The following LMNB1 variants were observed in gnomAD, a reference collection of about 807,000 sequenced individuals.
The protein encoded by LMNB1 is lamin B1.
In LMNB1, 23 loss-of-function variants were observed where a neutral mutation model predicts 67.1. That is an observed-to-expected ratio of 0.34 (90% CI 0.25 to 0.49). The LOEUF (loss-of-function observed/expected upper bound fraction) is 0.49. Ranked by LOEUF, LMNB1 falls within the 20% of genes least tolerant of loss-of-function variation. The probability of loss-of-function intolerance (pLI) is 0.99; values close to 1 mark genes in which losing one functional copy is unlikely to be tolerated. For synonymous variants in LMNB1, 281 were observed against 282.9 expected (o/e 0.99, Z 0.07); for missense variants, 634 against 746.5 (o/e 0.85, Z 1.76).
chr5:126,798,652 A>T (rs144027039), intron 1 of LMNB1, among the ~76,000 whole-genome samples: 1 of 152,158 alleles, frequency 6.6e-6, no homozygotes, highest in Non-Finnish European at 1.5e-5. Flanking sequence ...TGGAAGAGAC[A>T]TGATATTTTA....
chr5:126,822,677 A>G, intron 7 of LMNB1, 104 bp from the exon 8 acceptor site: 1 of 622,098 alleles, frequency 1.6e-6, no homozygotes, highest in South Asian at 2.2e-5. Context: ...AGATGACCAT[A>G]AAGCGGTCTT....
intron 1 of LMNB1, among the ~76,000 whole-genome samples, chr5:126,787,068 C>A (rs528674355): frequency 1.3e-5 from 2 of 152,160 alleles, no homozygotes; most frequent in African/African-American, 4.8e-5. Flanking sequence ...AGGTCTTGAA[C>A]CAGATGCTGG....
rs77877457 is a variant in LMNB1 at position 126,777,802 on chromosome 5, C to G, written c.294C>G (p.Arg98=). 3.4e-5 allele frequency: 50 copies of G among 1,492,406 alleles called. No individual in the cohort carries two copies. In the East Asian group the frequency reaches 8.7e-4, roughly 26 times the overall value. The allele number at this position is 1,492,406 out of a possible 1,614,324, so 92.4% of individuals were successfully genotyped here. ...DARRALDDTA[R]ERAKLQIELG... ...GACGCGCGCTCGACGACACGGCCCGCGAGCGCGCCAAGCTGCAGATCGAGC... is the reference window on the plus strand; with the variant it reads ...GACGCGCGCTCGACGACACGGCCCGGGAGCGCGCCAAGCTGCAGATCGAGC... Residue 98 remains arginine, a synonymous_variant, in exon 1 of 11, where the codon CGC becomes CGG. Transcript: ENST00000261366.
At position 126,811,760 on chromosome 5, in the gene LMNB1, C is replaced by T; in HGVS notation, c.814-13C>T. On this transcript the variant is annotated splice_polypyrimidine_tract_variant and intron_variant, in intron 4 of 10. Transcript: ENST00000261366. ...TCTAGATAAGACTGACTATGCTTTGCTTCTTCTTTTAGCTTGAGAATGCCA... is the reference window on the plus strand; with the variant it reads ...TCTAGATAAGACTGACTATGCTTTGTTTCTTCTTTTAGCTTGAGAATGCCA... 3 of 1,597,294 alleles carry T rather than the reference C, an allele frequency of 1.9e-6. No individual in the cohort carries two copies. Among genetic ancestry groups the T allele is most frequent in the South Asian group, 2.2e-5 (2 of 90,154 alleles).
At chr5:126,806,228 C>G (rs1751417801) in intron 3 of LMNB1, among the ~76,000 whole-genome samples, 2 of 152,236 alleles carry the variant, frequency 1.3e-5, no homozygotes, top group Non-Finnish European at 2.9e-5. Flanking sequence ...GCTGGGATTA[C>G]AGGTGTGAGC....
At chr5:126,784,042 G>A (rs1362539429) in intron 1 of LMNB1, among the ~76,000 whole-genome samples, 1 of 19,738 alleles carries the variant, frequency 5.1e-5, no homozygotes, top group South Asian at 1.3e-3. Flanking sequence ...TTTTTTTTTT[G>A]AGACAGAGTT....
At position 126,811,911 on chromosome 5, in the gene LMNB1, C is replaced by T. The variant is rs1436447157; in HGVS notation, c.939+13C>T. The T allele has an allele frequency of 6.2e-7, 1 of 1,603,272 alleles. No individual in the cohort carries two copies. The highest frequency in any genetic ancestry group is 1.7e-5 in the Admixed American group (1 of 59,822). ...TCTACAGAAAGAGGTAAATAATCATCTTTCTGTAAGAAGTTAGACTTGAAG... is the reference window on the plus strand; with the variant it reads ...TCTACAGAAAGAGGTAAATAATCATTTTTCTGTAAGAAGTTAGACTTGAAG... On this transcript the variant is annotated intron_variant, in intron 5 of 10. Coordinates refer to ENST00000261366, the MANE Select transcript of LMNB1 (RefSeq NM_005573.4).
chr5:126,800,961 AT>A (rs1469363271), intron 1 of LMNB1, among the ~76,000 whole-genome samples: 18 of 69,636 alleles, frequency 2.6e-4, no homozygotes, highest in African/African-American at 7.5e-4. Context: ...CTATATATAT[AT>A]ATATATATAT....
chr5:126,829,529 A>C (rs1346694254), intron 9 of LMNB1, among the ~76,000 whole-genome samples: 1 of 152,024 alleles, frequency 6.6e-6, no homozygotes, highest in East Asian at 1.9e-4. Flanking sequence ...ACCTGTATTC[A>C]TACCACTTTC....
Position 126,836,616 on chromosome 5 carries a change from T to C in LMNB1, c.*352T>C, listed in dbSNP as rs1356228265. 1 of 357,970 alleles carries C rather than the reference T, an allele frequency of 2.8e-6. No homozygotes were observed. Among genetic ancestry groups the C allele is most frequent in the East Asian group, 4.1e-5 (1 of 24,186 alleles). The allele number at this position is 357,970 out of a possible 1,614,324, so 22.2% of individuals were successfully genotyped here. A position where few individuals can be genotyped will look rare whatever the true frequency, so the allele number is the denominator to read the frequency against. On this transcript the variant is annotated 3_prime_UTR_variant, in exon 11 of 11. Coordinates refer to ENST00000261366, the MANE Select transcript of LMNB1 (RefSeq NM_005573.4). ...AACCACTGTGCGTCTTGGTGTAATTTGAAGATTGCCCCATCTAGACTAGCA... is the reference window on the plus strand; with the variant it reads ...AACCACTGTGCGTCTTGGTGTAATTCGAAGATTGCCCCATCTAGACTAGCA...
At chr5:126,782,113 T>G (rs1198245122) in intron 1 of LMNB1, among the ~76,000 whole-genome samples, 1 of 152,210 alleles carries the variant, frequency 6.6e-6, no homozygotes, top group Non-Finnish European at 1.5e-5. Flanking sequence ...GAAATTGACT[T>G]GTTTCAGATT....
intron 1 of LMNB1, among the ~76,000 whole-genome samples, chr5:126,799,813 A>T (rs1417228667): frequency 6.6e-6 from 1 of 152,188 alleles, no homozygotes; most frequent in East Asian, 1.9e-4. Flanking sequence ...GCCACTGTAC[A>T]TTTGTGTGGG....
chr5:126,818,706 G>A (rs985777340), intron 5 of LMNB1, among the ~76,000 whole-genome samples: 2 of 152,162 alleles, frequency 1.3e-5, no homozygotes, highest in African/African-American at 4.8e-5. Context: ...TGTGGAATAT[G>A]TCTTTTATTC....
chr5:126,817,044 C>T (rs1410621949), intron 5 of LMNB1, among the ~76,000 whole-genome samples: 1 of 147,498 alleles, frequency 6.8e-6, no homozygotes, highest in Non-Finnish European at 1.5e-5. Flanking sequence ...AAATGGCATT[C>T]TTCTGTAACG....
At chr5:126,802,882 A>T (rs189129887) in intron 1 of LMNB1, among the ~76,000 whole-genome samples, 9 of 152,130 alleles carry the variant, frequency 5.9e-5, no homozygotes, top group East Asian at 1.9e-4. Context: ...AACTCCATTT[A>T]AAAAAAAGTG....
chr5:126,801,231 G>A (rs1751281243), intron 1 of LMNB1, among the ~76,000 whole-genome samples: 3 of 151,566 alleles, frequency 2.0e-5, no homozygotes, highest in Admixed American at 6.6e-5. Context: ...GATTATAGAC[G>A]TGAGCCACCG....
rs1349711821 is a variant in LMNB1 at position 126,804,931 on chromosome 5, A to G, written c.515A>G (p.Gln172Arg). 1.2e-6 allele frequency: 2 copies of G among 1,613,648 alleles called. No homozygotes were observed. Among genetic ancestry groups the G allele is most frequent in the African/African-American group, 2.7e-5 (2 of 74,920 alleles). Residue 172 changes from glutamine (Q) to arginine (R), a missense_variant and splice_region_variant, in exon 2 of 11, where the codon CAG becomes CGG. Gln to Arg is a conservative substitution (Grantham distance 43). Transcript: ENST00000261366. ...GAGGATCTGAAGGATCAGATTGCCC[A>G]GGTAAGGTCAAGCCTACTCTTGAGC... Reference protein sequence around the residue: ...DLEDLKDQIAQLEASLAAAKK... With the variant: ...DLEDLKDQIARLEASLAAAKK...
chr5:126,782,871 G>C (rs1750667155), intron 1 of LMNB1, among the ~76,000 whole-genome samples: 1 of 151,834 alleles, frequency 6.6e-6, no homozygotes, highest in African/African-American at 2.4e-5. Context: ...TCTTCTTTAG[G>C]AGTGTTTTCT....
chr5:126,814,461 C>T (rs1382616763), intron 5 of LMNB1, among the ~76,000 whole-genome samples: 2 of 151,660 alleles, frequency 1.3e-5, no homozygotes, highest in Non-Finnish European at 2.9e-5. Flanking sequence ...GTAGTGGGCT[C>T]TGAAACTTAG....
Sources: gnomAD v4.1 joint callset for allele counts (sites outside exome capture counted in the v4.1 genomes callset) on GRCh38, gnomAD v4.1.1 for gene constraint, MANE v1.5 for transcripts, NCBI Gene and HGNC (gene_info 2026-07-23, HGNC 2026-07-21) for gene names.